NINL: variants seen among roughly 807,000 people sequenced by gnomAD.
The protein encoded by NINL is ninein like.
Under a neutral mutation model 160.3 loss-of-function variants are expected in NINL, and 153 were observed. The observed-to-expected ratio is 0.95, with a 90% CI of 0.84 to 1.09. The LOEUF is 1.09. Among genes scored for constraint, NINL ranks in the 50% least tolerant of loss-of-function variants. The probability of loss-of-function intolerance (pLI) is 0.00; values close to 1 mark genes in which losing one functional copy is unlikely to be tolerated. For synonymous variants in NINL, 800 were observed against 734.8 expected (o/e 1.09, Z -1.43); for missense variants, 1,829 against 1,764.0 (o/e 1.04, Z -0.66).
chr20:25,491,255 G>A lies in NINL; in HGVS notation c.1485+96C>T, dbSNP rs544450282. 7 of 1,400,496 alleles carry A rather than the reference G, an allele frequency of 5.0e-6. No individual in the cohort carries two copies. The African/African-American group carries it at 7.1e-5, about 14-fold the overall frequency. 86.8% of individuals were successfully genotyped at this position (1,400,496 alleles called of 1,614,324 possible). A position where few individuals can be genotyped will look rare whatever the true frequency, so the allele number is the denominator to read the frequency against. ...CTGAAACATAAGCTTGAGGGCACTGGCAGGTGTGGATCTGGATCCTCAACC... is the reference window on the plus strand; with the variant it reads ...CTGAAACATAAGCTTGAGGGCACTGACAGGTGTGGATCTGGATCCTCAACC... On this transcript the variant is annotated intron_variant, in intron 11 of 23. Transcript: ENST00000278886.
In NINL at chr20:25,512,681, C is replaced by A. The variant is rs191703680; in HGVS notation, c.450+153G>T. 5.4e-4 allele frequency among the ~76,000 whole-genome samples: 82 copies of A among 152,344 alleles called. 1 individual carries two copies. The highest frequency in any genetic ancestry group is 1.9e-3 in the African/African-American group (81 of 41,578). Reference sequence around the variant, plus strand: ...GACCCAATTTAAATGAAATGGCACTCCCCAAAGTGACCAAGCTTCTGGCGA... The same window carrying A: ...GACCCAATTTAAATGAAATGGCACTACCCAAAGTGACCAAGCTTCTGGCGA... On this transcript the variant is annotated intron_variant, in intron 4 of 23. Transcript: ENST00000278886.
chr20:25,491,251 A>G, intron 11 of NINL, 100 bp downstream of exon 11: 1 of 1,381,108 alleles, frequency 7.2e-7, no homozygotes, highest in Non-Finnish European at 9.8e-7. Flanking sequence ...GCTTGAGGGC[A>G]CTGGCAGGTG....
intron 19 of NINL, among the ~76,000 whole-genome samples, chr20:25,466,168 C>T (rs1022203689): frequency 2.0e-5 from 3 of 152,002 alleles, no homozygotes; most frequent in East Asian, 3.9e-4. Flanking sequence ...ACTATAGGCA[C>T]ATGGCAGCAT....
intron 1 of NINL, among the ~76,000 whole-genome samples, chr20:25,567,183 C>T (rs771308274): frequency 6.6e-6 from 1 of 152,050 alleles, no homozygotes; most frequent in Non-Finnish European, 1.5e-5. Flanking sequence ...AAAGAATCAA[C>T]GAGCTTGAAA....
At chr20:25,565,008 A>G (rs1040735530) in intron 1 of NINL, among the ~76,000 whole-genome samples, 5 of 152,166 alleles carry the variant, frequency 3.3e-5, no homozygotes, top group Non-Finnish European at 7.4e-5. Flanking sequence ...ATAGACAAGT[A>G]TAAGAGAAAA....
chr20:25,524,150 T>G (rs1383347400), intron 2 of NINL, among the ~76,000 whole-genome samples: 1 of 152,018 alleles, frequency 6.6e-6, no homozygotes, highest in Non-Finnish European at 1.5e-5. Context: ...CTGTCTGTGG[T>G]ATGAAGCAGA....
At chr20:25,559,945 T>C (rs565180370) in intron 1 of NINL, among the ~76,000 whole-genome samples, 16 of 151,036 alleles carry the variant, frequency 1.1e-4, no homozygotes, top group African/African-American at 2.7e-4. Flanking sequence ...TGTCGATTGA[T>C]TGATTGAGAC....
intron 1 of NINL, among the ~76,000 whole-genome samples, chr20:25,576,856 T>C (rs1167723195): frequency 6.6e-6 from 1 of 152,222 alleles, no homozygotes; most frequent in Non-Finnish European, 1.5e-5. Flanking sequence ...TTAAAATGTA[T>C]CAAGAATTGC....
chr20:25,554,636 C>CAAAACAAAACAAAAAAAAAA (rs1195606239), intron 1 of NINL, among the ~76,000 whole-genome samples: 12 of 85,790 alleles, frequency 1.4e-4, no homozygotes, highest in African/African-American at 2.9e-4. Flanking sequence ...AAAAAAAAAA[C>CAAAACAAAACAAAAAAAAAA]AAAAAAAAAA....
At chr20:25,514,707 T>G (rs2064131991) in intron 3 of NINL, among the ~76,000 whole-genome samples, 1 of 152,198 alleles carries the variant, frequency 6.6e-6, no homozygotes, top group South Asian at 2.1e-4. Context: ...AGAGCACCGC[T>G]GCCCTGTGCA....
chr20:25,512,554 C>T (rs1319619560), intron 4 of NINL, among the ~76,000 whole-genome samples: 1 of 152,170 alleles, frequency 6.6e-6, no homozygotes, highest in African/African-American at 2.4e-5. Flanking sequence ...TGTGAGTTTC[C>T]TGAGGCATCC....
intron 18 of NINL, among the ~76,000 whole-genome samples, chr20:25,468,921 TGCCCC>T (rs2063006213): frequency 1.5e-5 from 2 of 132,040 alleles, no homozygotes; most frequent in African/African-American, 6.3e-5. Flanking sequence ...CACTGGTGGG[TGCCCC>T]ACTGTCCTGT....
chr20:25,486,766 G>A (rs1204416235), intron 13 of NINL, among the ~76,000 whole-genome samples: 2 of 152,144 alleles, frequency 1.3e-5, no homozygotes, highest in East Asian at 1.9e-4. Flanking sequence ...GCAAAGCAAC[G>A]TGCGGCAGGG....
chr20:25,466,299 G>A (rs768681017), intron 19 of NINL, among the ~76,000 whole-genome samples: 1 of 152,004 alleles, frequency 6.6e-6, no homozygotes, highest in Non-Finnish European at 1.5e-5. Context: ...AGGGATTATA[G>A]GTATGAGGCA....
At chr20:25,489,034 G>T in intron 13 of NINL, 1 of 591,164 alleles carries the variant, frequency 1.7e-6, no homozygotes, top group Non-Finnish European at 3.0e-6. Flanking sequence ...GCCCTGCATG[G>T]TCCCTGGACA....
chr20:25,553,632 T>C (rs972615889), intron 1 of NINL, among the ~76,000 whole-genome samples: 2 of 152,216 alleles, frequency 1.3e-5, no homozygotes, highest in Non-Finnish European at 2.9e-5. Context: ...TAAAATCTCA[T>C]TCCTTTAAAC....
chr20:25,456,241 C>CAAAAAAAA (rs34657031), intron 22 of NINL, among the ~76,000 whole-genome samples: 1 of 40,694 alleles, frequency 2.5e-5, no homozygotes, highest in African/African-American at 1.0e-4. Flanking sequence ...GACTCCATCT[C>CAAAAAAAA]AAAAAAAAAA....
In NINL at chr20:25,509,840, T is replaced by C. The variant is rs111378619; in HGVS notation, c.517+834A>G. 6.1e-3 allele frequency: 2,449 copies of C among 399,766 alleles called. 9 individuals are homozygous for C. Among genetic ancestry groups the C allele is most frequent in the Non-Finnish European group, 9.4e-3 (1,914 of 204,516 alleles). 24.8% of individuals were successfully genotyped at this position (399,766 alleles called of 1,614,324 possible). The stretch of plus-strand genomic sequence containing the variant: ...TTTGCTTTTTAATGTCAAGGAAGTA[T>C]TATAGGCAAACACAAGATAATTAAA... On this transcript the variant is annotated intron_variant, in intron 5 of 23. Transcript: ENST00000278886.
intron 13 of NINL, among the ~76,000 whole-genome samples, chr20:25,487,402 G>A (rs1244200805): frequency 2.0e-5 from 3 of 152,142 alleles, no homozygotes; most frequent in African/African-American, 7.2e-5. Flanking sequence ...AGAATTCCAT[G>A]CCTAAAATCA....
Sources: gnomAD v4.1 joint callset for allele counts (sites outside exome capture counted in the v4.1 genomes callset) on GRCh38, gnomAD v4.1.1 for gene constraint, MANE v1.5 for transcripts, NCBI Gene and HGNC (gene_info 2026-07-23, HGNC 2026-07-21) for gene names.